NRG1: variants seen among roughly 807,000 people sequenced by gnomAD.
NRG1 encodes the protein neuregulin 1.
NRG1 carries 18 observed loss-of-function variants against 63.8 expected under a neutral mutation model. The observed-to-expected ratio is 0.28, with a 90% CI of 0.19 to 0.42. NRG1 has a LOEUF of 0.42. NRG1 is among the 10% of genes least tolerant of loss of function. The pLI is 1.00. For missense variants in NRG1, 762 were observed against 814.7 expected (o/e 0.94, Z 0.79); for synonymous variants, 302 against 301.3 (o/e 1.00, Z -0.02).
Position 31,959,659 on chromosome 8 carries a change from A to C in NRG1, c.37+320228A>C, listed in dbSNP as rs570515182. ...TCCAGAGAAATTGGAGATTATCTTT[A>C]AGCATTTTGAAATATTAAGCATAGC... On this transcript the variant is annotated intron_variant, in intron 1 of 10. Coordinates refer to the NRG1 transcript ENST00000519301. 1.1e-3 allele frequency among the ~76,000 whole-genome samples: 165 copies of C among 152,270 alleles called. 1 individual carries two copies. Among genetic ancestry groups the C allele is most frequent in the Non-Finnish European group, 1.9e-3 (126 of 68,018 alleles).
chr8:32,691,354 A>G (rs889256937), intron 5 of NRG1, among the ~76,000 whole-genome samples: 3 of 152,158 alleles, frequency 2.0e-5, no homozygotes, highest in Admixed American at 6.5e-5. Flanking sequence ...CTCCGTCTCA[A>G]AAAACAAAAC....
intron 1 of NRG1, among the ~76,000 whole-genome samples, chr8:31,688,892 T>C (rs531953502): frequency 4.1e-4 from 63 of 152,334 alleles, no homozygotes; most frequent in African/African-American, 1.5e-3. Flanking sequence ...GTCAAAAGTC[T>C]GTCTTACTGG....
intron 5 of NRG1, chr8:32,646,596 G>C (rs1489482007): frequency 1.3e-6 from 1 of 769,598 alleles, no homozygotes; most frequent in Non-Finnish European, 1.6e-6. Flanking sequence ...AGCATCGATC[G>C]CTGGCTTTCT....
chr8:32,125,501 G>A (rs905475648), intron 1 of NRG1, among the ~76,000 whole-genome samples: 2 of 151,882 alleles, frequency 1.3e-5, no homozygotes, highest in African/African-American at 4.8e-5. Flanking sequence ...TCCAGCTGCT[G>A]TCCAGAGTCA....
intron 1 of NRG1, among the ~76,000 whole-genome samples, chr8:31,852,511 C>A (rs201737869): frequency 4.6e-5 from 7 of 151,562 alleles, no homozygotes; most frequent in African/African-American, 1.7e-4. Context: ...GGATATTAGC[C>A]CTATGTCAGA....
chr8:32,596,311 A>C (rs1038183126), intron 2 of NRG1, among the ~76,000 whole-genome samples: 4 of 152,072 alleles, frequency 2.6e-5, no homozygotes, highest in Admixed American at 1.3e-4. Flanking sequence ...AGATCCTAAA[A>C]TTCAATTTCT....
chr8:31,731,964 C>T lies in NRG1; in HGVS notation c.37+92533C>T, dbSNP rs117431128. On this transcript the variant is annotated intron_variant, in intron 1 of 10. Transcript: ENST00000519301. The stretch of plus-strand genomic sequence containing the variant: ...CTGTGAAGAGTCAGTAAGATGTAAT[C>T]AACCAGCGAATGTTAGGTGCTCAGT... Among the ~76,000 whole-genome samples the T allele has an allele frequency of 3.8e-3, 586 of 152,310 alleles. 1 individual carries two copies. Among genetic ancestry groups the T allele is most frequent in the South Asian group, 0.019 (90 of 4,818 alleles).
intron 1 of NRG1, among the ~76,000 whole-genome samples, chr8:31,918,895 A>T (rs1363732866): frequency 1.3e-5 from 2 of 152,134 alleles, no homozygotes; most frequent in Non-Finnish European, 2.9e-5. Context: ...TTATTGGTGT[A>T]TTCAGAGATT....
chr8:32,597,778 A>C (rs998522668), intron 2 of NRG1, among the ~76,000 whole-genome samples: 2 of 152,142 alleles, frequency 1.3e-5, no homozygotes, highest in African/African-American at 4.8e-5. Context: ...TGTAGATCAT[A>C]GTGGTAATTA....
rs1211896957 is a variant in NRG1 at position 32,106,363 on chromosome 8, ATG to A, written c.37+466934_37+466935del. Among the ~76,000 whole-genome samples, 7 of 152,348 alleles carry A rather than the reference ATG, an allele frequency of 4.6e-5. No individual in the cohort carries two copies. In the East Asian group the frequency reaches 1.4e-3, roughly 29 times the overall value. ...GGCAACCATATGGAAGTCAGTTAAA[ATG>A]TATTTTGATTATATGACTCTGTGCA... On this transcript the variant is annotated intron_variant, in intron 1 of 10. Coordinates refer to the NRG1 transcript ENST00000519301.
At chr8:32,019,907 T>C (rs1245449540) in intron 1 of NRG1, among the ~76,000 whole-genome samples, 1 of 152,218 alleles carries the variant, frequency 6.6e-6, no homozygotes, top group Non-Finnish European at 1.5e-5. Context: ...TTCTGTTATC[T>C]TTACTCATTA....
chr8:32,621,916 TGG>T (rs1848407582), intron 5 of NRG1, among the ~76,000 whole-genome samples: 1 of 152,110 alleles, frequency 6.6e-6, no homozygotes, highest in Non-Finnish European at 1.5e-5. Context: ...TTGAAAGAAA[TGG>T]GATTCTGTGA....
chr8:32,316,234 T>C (rs925499301), intron 1 of NRG1, among the ~76,000 whole-genome samples: 1 of 152,058 alleles, frequency 6.6e-6, no homozygotes, highest in Non-Finnish European at 1.5e-5. Flanking sequence ...TCCCAACACA[T>C]TGGGAGGCCG....
intron 1 of NRG1, among the ~76,000 whole-genome samples, chr8:32,356,474 A>ACCCCCCCCCCCCCCCCCCGGGCC (rs11426642): frequency 4.3e-5 from 3 of 69,324 alleles, no homozygotes; most frequent in South Asian, 5.4e-4. Flanking sequence ...CCTTGTTGGG[A>ACCCCCCCCCCCCCCCCCCGGGCC]CCCCCCCCCC....
At chr8:32,485,334 G>A (rs1825779771) in intron 1 of NRG1, among the ~76,000 whole-genome samples, 1 of 151,238 alleles carries the variant, frequency 6.6e-6, no homozygotes, top group South Asian at 2.1e-4. Flanking sequence ...TCCAACTCCT[G>A]ACCTCTGGTG....
chr8:31,826,235 A>G (rs1278898028), intron 1 of NRG1, among the ~76,000 whole-genome samples: 1 of 152,134 alleles, frequency 6.6e-6, no homozygotes, highest in Non-Finnish European at 1.5e-5. Context: ...AGCTGGCAGG[A>G]AAGGAATTTG....
At chr8:31,803,103 G>T (rs190870329) in intron 1 of NRG1, among the ~76,000 whole-genome samples, 16 of 152,256 alleles carry the variant, frequency 1.1e-4, no homozygotes, top group African/African-American at 3.9e-4. Context: ...ACAGTATGCT[G>T]ACTTTTTCTC....
chr8:31,742,362 T>A (rs555116845), intron 1 of NRG1, among the ~76,000 whole-genome samples: 2 of 151,066 alleles, frequency 1.3e-5, no homozygotes, highest in African/African-American at 2.4e-5. Flanking sequence ...AAATTGTATA[T>A]ACATTTTAAT....
At chr8:32,256,887 C>A (rs1221854836) in intron 1 of NRG1, among the ~76,000 whole-genome samples, 1 of 152,200 alleles carries the variant, frequency 6.6e-6, no homozygotes, top group East Asian at 1.9e-4. Context: ...GCACCCCCAG[C>A]TGCCCCTTCC....
Sources: allele counts gnomAD v4.1 joint callset (sites outside exome capture counted in the v4.1 genomes callset), GRCh38; gene constraint gnomAD v4.1.1; transcripts MANE v1.5; gene names NCBI Gene and HGNC (gene_info 2026-07-23, HGNC 2026-07-21).